LRP1B: variants seen among roughly 807,000 people sequenced by gnomAD.
The protein encoded by LRP1B is low-density lipoprotein receptor-related protein 1B.
LRP1B carries 217 observed loss-of-function variants against 556.6 expected under a neutral mutation model. The observed-to-expected ratio is 0.39, with a 90% CI of 0.35 to 0.44. The LOEUF (loss-of-function observed/expected upper bound fraction) is 0.44, where lower values mean the gene tolerates loss of function less well. LRP1B is among the 20% of genes least tolerant of loss of function. The pLI is 1.00. For synonymous variants in LRP1B, 2,047 were observed against 1,865.8 expected, an observed-to-expected ratio of 1.10 and a Z score of -2.50; for missense variants, 5,053 against 5,620.8, an observed-to-expected ratio of 0.90 and a Z score of 3.23.
chr2:141,242,785 G>A (rs999178270), intron 5 of LRP1B, among the ~76,000 whole-genome samples: 6 of 152,048 alleles, frequency 3.9e-5, no homozygotes, highest in Non-Finnish European at 4.4e-5. Context: ...TGTATGCTGG[G>A]ATAAGTGCCT....
chr2:141,333,983 T>C (rs1413327356), intron 3 of LRP1B, among the ~76,000 whole-genome samples: 1 of 152,232 alleles, frequency 6.6e-6, no homozygotes, highest in Non-Finnish European at 1.5e-5. Context: ...ATTTATTTTA[T>C]GTTTTCTTTT....
At position 140,645,432 on chromosome 2, in the gene LRP1B, AT is replaced by A. The variant is rs764459602; in HGVS notation, c.6800-43794del. ...TTAACTTCTTGTCTGTTCACTTCAG[AT>A]TTTTTAATGTATTCAATTGCCCTTC... On this transcript the variant is annotated intron_variant, in intron 41 of 90. Transcript: ENST00000389484. 5.3e-5 allele frequency among the ~76,000 whole-genome samples: 8 copies of A among 150,392 alleles called. No individual in the cohort carries two copies. The Admixed American group carries it at 5.3e-4, about 10-fold the overall frequency.
chr2:140,695,542 A>T (rs1035551338), intron 41 of LRP1B, among the ~76,000 whole-genome samples: 1 of 152,050 alleles, frequency 6.6e-6, no homozygotes, highest in Non-Finnish European at 1.5e-5. Context: ...TGTTTCAGTC[A>T]TTTTCTCTGC....
intron 41 of LRP1B, among the ~76,000 whole-genome samples, chr2:140,673,675 G>T (rs1685566403): frequency 6.6e-6 from 1 of 152,094 alleles, no homozygotes; most frequent in Non-Finnish European, 1.5e-5. Flanking sequence ...CAAAAAATAA[G>T]ATTCTAAGCC....
intron 41 of LRP1B, among the ~76,000 whole-genome samples, chr2:140,621,730 C>G (rs1559011575): frequency 1.3e-5 from 2 of 152,148 alleles, no homozygotes; most frequent in African/African-American, 2.4e-5. Flanking sequence ...AAAGCAACAG[C>G]TTATGATTTA....
At chr2:141,361,444 AATTCT>A (rs1206992015) in intron 3 of LRP1B, among the ~76,000 whole-genome samples, 1 of 152,158 alleles carries the variant, frequency 6.6e-6, no homozygotes, top group East Asian at 1.9e-4. Context: ...CTGTTATACA[AATTCT>A]ACTCATTCAA....
chr2:141,695,845 C>T (rs141386984), intron 2 of LRP1B, among the ~76,000 whole-genome samples: 59 of 152,022 alleles, frequency 3.9e-4, no homozygotes, highest in African/African-American at 1.3e-3. Flanking sequence ...AGAAAACTAG[C>T]TGTGGCCTAT....
At chr2:141,505,088 C>T (rs982887493) in intron 2 of LRP1B, among the ~76,000 whole-genome samples, 8 of 146,650 alleles carry the variant, frequency 5.5e-5, no homozygotes, top group African/African-American at 1.5e-4. Context: ...GAATAAATCC[C>T]TCCTCTCTCT....
At chr2:140,904,537 T>C (rs1694192508) in intron 22 of LRP1B, among the ~76,000 whole-genome samples, 1 of 152,160 alleles carries the variant, frequency 6.6e-6, no homozygotes, top group African/African-American at 2.4e-5. Context: ...AAAACATTTC[T>C]ACATTTTTAA....
rs1357193305 is a variant in LRP1B at position 140,766,827 on chromosome 2, ATATATATATATATATAT to A, written c.5758+2369_5758+2385del. ...CTTCCAGGGCATCTTTGTAAAATAT[ATATATATATATATATAT>A]TATATATATATATATATATATAATA... is the stretch of plus-strand genomic sequence containing the variant. On this transcript the variant is annotated intron_variant, in intron 35 of 90. Transcript: ENST00000389484. Among the ~76,000 whole-genome samples the A allele has an allele frequency of 5.1e-3, 103 of 20,048 alleles. 3 individuals are homozygous for A. The East Asian group carries it at 0.29, about 57-fold the overall frequency. The allele number at this position is 20,048 out of a possible 152,430, so 13.2% of individuals were successfully genotyped here.
chr2:141,856,454 A>C (rs931506930), intron 1 of LRP1B, among the ~76,000 whole-genome samples: 35 of 152,142 alleles, frequency 2.3e-4, no homozygotes, highest in African/African-American at 8.4e-4. Context: ...ACCACTGTTC[A>C]TACAAATTTC....
intron 41 of LRP1B, among the ~76,000 whole-genome samples, chr2:140,634,861 A>T (rs752510365): frequency 2.0e-5 from 3 of 152,248 alleles, no homozygotes; most frequent in East Asian, 3.9e-4. Context: ...AACTAAATGT[A>T]ATGTTGTATC....
chr2:141,754,403 T>A (rs1313996783), intron 2 of LRP1B, among the ~76,000 whole-genome samples: 1 of 152,166 alleles, frequency 6.6e-6, no homozygotes, highest in Non-Finnish European at 1.5e-5. Flanking sequence ...CAGCAGTGTA[T>A]AATTCAAGAA....
At chr2:141,667,299 G>A (rs1690480600) in intron 2 of LRP1B, among the ~76,000 whole-genome samples, 1 of 152,060 alleles carries the variant, frequency 6.6e-6, no homozygotes, top group Non-Finnish European at 1.5e-5. Flanking sequence ...TTTCAATTAG[G>A]ATTTCCCCCA....
intron 2 of LRP1B, among the ~76,000 whole-genome samples, chr2:141,715,781 C>A (rs1692563674): frequency 6.6e-6 from 1 of 152,152 alleles, no homozygotes; most frequent in South Asian, 2.1e-4. Context: ...CGTCATTGCA[C>A]TCCAGCCTGG....
chr2:141,373,467 C>T (rs1012316705), intron 3 of LRP1B, among the ~76,000 whole-genome samples: 3 of 152,022 alleles, frequency 2.0e-5, no homozygotes, highest in African/African-American at 7.2e-5. Context: ...TATTGTATTG[C>T]TGTCTATCTC....
chr2:140,282,747 G>C (rs1466315623), intron 84 of LRP1B, among the ~76,000 whole-genome samples: 1 of 151,778 alleles, frequency 6.6e-6, no homozygotes, highest in Non-Finnish European at 1.5e-5. Context: ...TCAAATGTCA[G>C]ATGTTATCCA....
At chr2:140,298,730 A>G (rs1487679195) in intron 83 of LRP1B, among the ~76,000 whole-genome samples, 2 of 152,108 alleles carry the variant, frequency 1.3e-5, no homozygotes, top group Non-Finnish European at 2.9e-5. Flanking sequence ...AAGGTCAACA[A>G]TCCTGTATGG....
Position 141,388,193 on chromosome 2 carries a change from T to G in LRP1B, c.343+92203A>C, listed in dbSNP as rs1019775449. 2.6e-5 allele frequency among the ~76,000 whole-genome samples: 4 copies of G among 152,250 alleles called. No individual in the cohort carries two copies. In the South Asian group the frequency reaches 8.3e-4, roughly 32 times the overall value. On this transcript the variant is annotated intron_variant, in intron 3 of 90. Coordinates refer to ENST00000389484, the MANE Select transcript of LRP1B (RefSeq NM_018557.3). ...GCTCACACCTGTAATCTCAGCACTTTGGGAGGCCAAGACAGGCAGATCACC... is the reference window on the plus strand; with the variant it reads ...GCTCACACCTGTAATCTCAGCACTTGGGGAGGCCAAGACAGGCAGATCACC...
Sources: gnomAD v4.1 joint callset for allele counts (sites outside exome capture counted in the v4.1 genomes callset) on GRCh38, gnomAD v4.1.1 for gene constraint, MANE v1.5 for transcripts, NCBI Gene and HGNC (gene_info 2026-07-23, HGNC 2026-07-21) for gene names.